SGCD: variants seen among roughly 807,000 people sequenced by gnomAD.
The protein encoded by SGCD is delta-sarcoglycan.
SGCD carries 18 observed loss-of-function variants against 36.6 expected under a neutral mutation model. The observed-to-expected ratio is 0.49, with a 90% confidence interval of 0.34 to 0.73. The LOEUF (loss-of-function observed/expected upper bound fraction) is 0.73, where lower values mean the gene tolerates loss of function less well. Among genes scored for constraint, SGCD ranks in the 30% least tolerant of loss-of-function variants. SGCD has a pLI of 0.01. For missense variants in SGCD, 387 were observed against 346.7 expected, an observed-to-expected ratio of 1.12 and a Z score of -0.92; for synonymous variants, 133 against 130.6, an observed-to-expected ratio of 1.02 and a Z score of -0.12.
At chr5:156,734,388 T>G (rs1265639665) in intron 7 of SGCD, among the ~76,000 whole-genome samples, 2 of 152,102 alleles carry the variant, frequency 1.3e-5, no homozygotes, top group East Asian at 3.9e-4. Context: ...AAAATCTTAC[T>G]GGAGTTCTCT....
intron 3 of SGCD, among the ~76,000 whole-genome samples, chr5:156,234,598 A>T (rs1765108659): frequency 6.6e-6 from 1 of 152,182 alleles, no homozygotes; most frequent in Non-Finnish European, 1.5e-5. Flanking sequence ...GGCTAATGGG[A>T]GCATGGCACT....
chr5:155,790,666 G>A, the SGCD span, among the ~76,000 whole-genome samples: 1 of 151,992 alleles, frequency 6.6e-6, no homozygotes, highest in Admixed American at 6.6e-5. Context: ...TATAGAATTG[G>A]TATAAAAGAC....
chr5:156,181,934 G>T (rs1027334385), intron 3 of SGCD, among the ~76,000 whole-genome samples: 17 of 152,202 alleles, frequency 1.1e-4, no homozygotes, highest in African/African-American at 4.1e-4. Context: ...ATGTAAACAA[G>T]GAAGGCATCT....
chr5:156,562,579 G>C (rs1422391571), intron 4 of SGCD, among the ~76,000 whole-genome samples: 1 of 152,054 alleles, frequency 6.6e-6, no homozygotes. Flanking sequence ...CTGAGGAAAA[G>C]GGAGACATCA....
intron 4 of SGCD, among the ~76,000 whole-genome samples, chr5:156,583,232 C>A (rs1760355229): frequency 6.6e-6 from 1 of 152,194 alleles, no homozygotes; most frequent in South Asian, 2.1e-4. Context: ...TCACACTTAA[C>A]ATTTCCAAAG....
chr5:156,182,842 C>T (rs1435442263), intron 3 of SGCD, among the ~76,000 whole-genome samples: 1 of 152,166 alleles, frequency 6.6e-6, no homozygotes, highest in Non-Finnish European at 1.5e-5. Context: ...GTAACATATG[C>T]AGAGGATGCA....
At chr5:156,490,054 T>C (rs1755866718) in intron 3 of SGCD, among the ~76,000 whole-genome samples, 1 of 151,626 alleles carries the variant, frequency 6.6e-6, no homozygotes, top group Non-Finnish European at 1.5e-5. Context: ...CCGACACAAA[T>C]GCAAGGATAA....
chr5:156,546,013 T>C (rs1241901471), intron 4 of SGCD, among the ~76,000 whole-genome samples: 1 of 152,138 alleles, frequency 6.6e-6, no homozygotes, highest in Non-Finnish European at 1.5e-5. Context: ...TCTAAAACTA[T>C]CAAGAATAAA....
At chr5:156,012,806 G>T (rs1275497359) in intron 1 of SGCD, among the ~76,000 whole-genome samples, 1 of 151,562 alleles carries the variant, frequency 6.6e-6, no homozygotes, top group Non-Finnish European at 1.5e-5. Flanking sequence ...TAGAAACGGG[G>T]TTTCACCATG....
At chr5:156,123,135 G>A (rs972354258) in intron 2 of SGCD, among the ~76,000 whole-genome samples, 2 of 152,078 alleles carry the variant, frequency 1.3e-5, no homozygotes, top group Non-Finnish European at 2.9e-5. Context: ...TCTTATATCT[G>A]ACATGCCCAA....
At chr5:156,104,169 C>A (rs1326112782) in intron 1 of SGCD, among the ~76,000 whole-genome samples, 1 of 152,070 alleles carries the variant, frequency 6.6e-6, no homozygotes, top group Non-Finnish European at 1.5e-5. Flanking sequence ...AAACTTACTA[C>A]ATATTAAAGA....
chr5:156,046,170 T>C (rs1759760863), intron 1 of SGCD, among the ~76,000 whole-genome samples: 1 of 152,106 alleles, frequency 6.6e-6, no homozygotes, highest in African/African-American at 2.4e-5. Context: ...GTACATCATC[T>C]CACTTTCATG....
At chr5:156,682,925 G>A (rs369785989) in intron 7 of SGCD, among the ~76,000 whole-genome samples, 23 of 152,172 alleles carry the variant, frequency 1.5e-4, no homozygotes, top group Admixed American at 1.1e-3. Context: ...TCCCATTCCC[G>A]TGCATCCTCT....
At chr5:155,978,255 A>G (rs1026342453) in intron 1 of SGCD, among the ~76,000 whole-genome samples, 66 of 152,328 alleles carry the variant, frequency 4.3e-4, no homozygotes, top group African/African-American at 1.6e-3. Context: ...TAATCATCAC[A>G]TTGTGCTTGC....
At chr5:156,457,223 T>TA (rs1754301320) in intron 3 of SGCD, among the ~76,000 whole-genome samples, 1 of 152,220 alleles carries the variant, frequency 6.6e-6, no homozygotes, top group Non-Finnish European at 1.5e-5. Context: ...CAAATATTTC[T>TA]AAAATAGCAT....
intron 1 of SGCD, among the ~76,000 whole-genome samples, chr5:156,068,428 C>T (rs1230549946): frequency 1.3e-5 from 2 of 152,040 alleles, no homozygotes; most frequent in African/African-American, 4.8e-5. Flanking sequence ...CAATTTCATC[C>T]ATGTCCCTAC....
At chr5:156,495,349 G>A (rs888433751) in intron 3 of SGCD, among the ~76,000 whole-genome samples, 14 of 152,194 alleles carry the variant, frequency 9.2e-5, no homozygotes, top group African/African-American at 2.4e-4. Context: ...GTAAGACAGC[G>A]CTAGTGCCAG....
intron 3 of SGCD, among the ~76,000 whole-genome samples, chr5:156,249,536 GACAA>G (rs1765523176): frequency 6.6e-6 from 1 of 152,108 alleles, no homozygotes; most frequent in African/African-American, 2.4e-5. Flanking sequence ...CAGATTTCAA[GACAA>G]ACAAATGATA....
At chr5:156,357,710 G>A (rs1305166854) in intron 3 of SGCD, among the ~76,000 whole-genome samples, 1 of 152,124 alleles carries the variant, frequency 6.6e-6, no homozygotes, top group African/African-American at 2.4e-5. Context: ...TTAAAGAATA[G>A]GCAAACAGTT....
Sources: allele counts gnomAD v4.1 joint callset (sites outside exome capture counted in the v4.1 genomes callset), GRCh38; gene constraint gnomAD v4.1.1; transcripts MANE v1.5; gene names NCBI Gene and HGNC (gene_info 2026-07-23, HGNC 2026-07-21).